The following NPAS3 variants were observed in gnomAD, a reference collection of about 807,000 sequenced individuals.
The protein encoded by NPAS3 is neuronal PAS domain protein 3, also known as neuronal PAS domain-containing protein 3.
Under a neutral mutation model 73.1 loss-of-function variants are expected in NPAS3, and 14 were observed. The observed-to-expected ratio is 0.19, with a 90% CI of 0.13 to 0.30. The LOEUF (loss-of-function observed/expected upper bound fraction) is 0.30, where lower values mean the gene tolerates loss of function less well. Among genes scored for constraint, NPAS3 ranks in the 10% least tolerant of loss-of-function variants. The pLI is 1.00. For missense variants in NPAS3, 1,096 were observed against 1,250.0 expected, an observed-to-expected ratio of 0.88 and a Z score of 1.86; for synonymous variants, 620 against 541.5, an observed-to-expected ratio of 1.14 and a Z score of -2.01.
intron 1 of NPAS3, among the ~76,000 whole-genome samples, chr14:32,995,564 G>T (rs527936809): frequency 1.3e-5 from 2 of 152,152 alleles, no homozygotes; most frequent in Non-Finnish European, 1.5e-5. Context: ...CAATTCCCAT[G>T]TATTGTGGGA....
At chr14:33,137,757 G>A (rs574750642) in intron 2 of NPAS3, among the ~76,000 whole-genome samples, 1 of 152,212 alleles carries the variant, frequency 6.6e-6, no homozygotes, top group South Asian at 2.1e-4. Context: ...TATCTTTGTC[G>A]TGTTAGTTGG....
At chr14:33,237,057 A>G (rs908969032) in intron 3 of NPAS3, among the ~76,000 whole-genome samples, 5 of 152,110 alleles carry the variant, frequency 3.3e-5, no homozygotes, top group African/African-American at 9.7e-5. Flanking sequence ...TTAATATATT[A>G]TGATTAAGTC....
chr14:33,489,154 ATTTAT>A (rs2051763475), intron 4 of NPAS3, among the ~76,000 whole-genome samples: 1 of 152,058 alleles, frequency 6.6e-6, no homozygotes, highest in Non-Finnish European at 1.5e-5. Context: ...ATTACATTTT[ATTTAT>A]TTTATTTTTA....
intron 6 of NPAS3, among the ~76,000 whole-genome samples, chr14:33,677,513 T>C (rs909225916): frequency 6.6e-6 from 1 of 151,828 alleles, no homozygotes; most frequent in East Asian, 1.9e-4. Flanking sequence ...ACAAGAAAAA[T>C]AGAAAAACCT....
intron 1 of NPAS3, among the ~76,000 whole-genome samples, chr14:33,049,047 A>G (rs924291697): frequency 6.6e-5 from 10 of 152,216 alleles, no homozygotes; most frequent in African/African-American, 2.4e-4. Context: ...GGAGCTTTCT[A>G]TATCTACTGA....
intron 2 of NPAS3, among the ~76,000 whole-genome samples, chr14:33,105,787 A>G (rs1440448381): frequency 6.6e-6 from 1 of 152,162 alleles, no homozygotes; most frequent in Non-Finnish European, 1.5e-5. Flanking sequence ...TGCTCCTGAA[A>G]CAACAAAAAC....
chr14:33,000,284 A>T (rs772119182), intron 1 of NPAS3, among the ~76,000 whole-genome samples: 1 of 152,172 alleles, frequency 6.6e-6, no homozygotes, highest in Non-Finnish European at 1.5e-5. Flanking sequence ...TTTAATGACT[A>T]TTGCCAAAAT....
chr14:33,099,031 T>G (rs1285265481), intron 2 of NPAS3, among the ~76,000 whole-genome samples: 2 of 152,164 alleles, frequency 1.3e-5, no homozygotes, highest in African/African-American at 4.8e-5. Flanking sequence ...GAAAGAACCT[T>G]GCGGCCTTTT....
intron 5 of NPAS3, among the ~76,000 whole-genome samples, chr14:33,675,805 C>A (rs1212246735): frequency 6.6e-6 from 1 of 152,188 alleles, no homozygotes; most frequent in Non-Finnish European, 1.5e-5. Flanking sequence ...GTTTCTATAG[C>A]TGTTCCTATC....
At chr14:33,544,791 T>TAC (rs2054713531) in intron 4 of NPAS3, among the ~76,000 whole-genome samples, 2 of 83,360 alleles carry the variant, frequency 2.4e-5, no homozygotes, top group African/African-American at 6.7e-5. Flanking sequence ...GTGTGTATTA[T>TAC]ATATATATAT....
intron 7 of NPAS3, among the ~76,000 whole-genome samples, chr14:33,741,379 C>T (rs1249085545): frequency 6.6e-6 from 1 of 152,168 alleles, no homozygotes; most frequent in Non-Finnish European, 1.5e-5. Flanking sequence ...TATTGCCTTT[C>T]AATCAACCCA....
intron 7 of NPAS3, among the ~76,000 whole-genome samples, chr14:33,753,287 G>A (rs2062017305): frequency 6.6e-6 from 1 of 151,274 alleles, no homozygotes; most frequent in South Asian, 2.1e-4. Flanking sequence ...ACCTGCCTCA[G>A]GGAAAATCTG....
At chr14:33,058,986 G>A (rs1051283746) in intron 2 of NPAS3, among the ~76,000 whole-genome samples, 9 of 152,230 alleles carry the variant, frequency 5.9e-5, no homozygotes, top group African/African-American at 2.2e-4. Context: ...ATTCAGGGAT[G>A]TGCTAGAGCC....
At chr14:33,155,065 A>G (rs763166963) in intron 2 of NPAS3, among the ~76,000 whole-genome samples, 33 of 152,230 alleles carry the variant, frequency 2.2e-4, no homozygotes, top group Admixed American at 7.2e-4. Flanking sequence ...AAACTCACAG[A>G]CTAAACAAAA....
chr14:33,019,563 C>T (rs1566472106), intron 1 of NPAS3, among the ~76,000 whole-genome samples: 1 of 152,120 alleles, frequency 6.6e-6, no homozygotes, highest in African/African-American at 2.4e-5. Context: ...ATAAAGGAAG[C>T]TCTTGGTGGC....
At chr14:33,725,501 A>G (rs1377964629) in intron 6 of NPAS3, among the ~76,000 whole-genome samples, 1 of 152,086 alleles carries the variant, frequency 6.6e-6, no homozygotes, top group African/African-American at 2.4e-5. Context: ...TCATGTTTTC[A>G]AAATTTTCTC....
At chr14:33,488,006 T>C (rs2051697925) in intron 4 of NPAS3, among the ~76,000 whole-genome samples, 1 of 152,064 alleles carries the variant, frequency 6.6e-6, no homozygotes, top group South Asian at 2.1e-4. Flanking sequence ...ACATTCACTG[T>C]ATATGAGGCC....
intron 6 of NPAS3, among the ~76,000 whole-genome samples, chr14:33,727,947 T>C (rs946237344): frequency 5.9e-5 from 9 of 152,212 alleles, no homozygotes; most frequent in South Asian, 2.1e-4. Context: ...ATGGGTCATA[T>C]TGGATACCAT....
At chr14:33,255,453 A>C (rs1180004420) in intron 3 of NPAS3, among the ~76,000 whole-genome samples, 2 of 152,206 alleles carry the variant, frequency 1.3e-5, no homozygotes, top group Non-Finnish European at 2.9e-5. Context: ...GAACCAGACC[A>C]ACCCGGACTA....
Sources: allele counts gnomAD v4.1 joint callset (sites outside exome capture counted in the v4.1 genomes callset), GRCh38; gene constraint gnomAD v4.1.1; transcripts MANE v1.5; gene names NCBI Gene and HGNC (gene_info 2026-07-23, HGNC 2026-07-21).